Variants in PTPRN2 observed in about 807,000 individuals in gnomAD.
PTPRN2 encodes receptor-type tyrosine-protein phosphatase N2.
A neutral mutation model predicts 118.8 loss-of-function variants in PTPRN2; 74 were observed. The ratio of observed to expected loss-of-function variants is 0.62; its 90% CI spans 0.52 to 0.76. PTPRN2 has a LOEUF of 0.76. PTPRN2 is among the 30% of genes least tolerant of loss of function. PTPRN2 has a pLI of 0.00. For missense variants in PTPRN2, 1,481 were observed against 1,394.4 expected (o/e 1.06, Z -0.99); for synonymous variants, 641 against 608.0 (o/e 1.05, Z -0.80).
Position 158,244,809 on chromosome 7 carries a change from AGAGT to A in PTPRN2, c.278-39540_278-39537del, listed in dbSNP as rs961177289. ...GTTGTGTGAGTGTGAGTTGTGTGTGAGAGTGTGTATGAGTGTGAGTTGTGCACAT... is the reference window on the plus strand; with the variant it reads ...GTTGTGTGAGTGTGAGTTGTGTGTGAGTGTATGAGTGTGAGTTGTGCACAT... On this transcript the variant is annotated intron_variant, in intron 3 of 22. Transcript: ENST00000389418. 4.1e-5 allele frequency among the ~76,000 whole-genome samples: 6 copies of A among 146,224 alleles called. No homozygotes were observed. In the East Asian group the frequency reaches 1.2e-3, roughly 30 times the overall value.
chr7:157,931,225 G>A (rs9918510), intron 11 of PTPRN2, among the ~76,000 whole-genome samples: 4,290 of 152,334 alleles, frequency 0.028, 166 homozygotes, highest in African/African-American at 0.09. Context: ...GCAATTCCAC[G>A]AGTTAACTAA....
intron 12 of PTPRN2, among the ~76,000 whole-genome samples, chr7:157,769,876 T>G (rs1204000371): frequency 1.3e-5 from 2 of 152,230 alleles, no homozygotes; most frequent in Admixed American, 6.5e-5. Flanking sequence ...CCCGCCCCTT[T>G]GCACACTTTA....
intron 2 of PTPRN2, among the ~76,000 whole-genome samples, chr7:158,488,059 G>A (rs996276028): frequency 1.3e-5 from 2 of 152,102 alleles, no homozygotes; most frequent in African/African-American, 4.8e-5. Context: ...GGACACCCAG[G>A]CCGGCCTTTG....
At chr7:157,841,452 A>G (rs1808413156) in intron 12 of PTPRN2, among the ~76,000 whole-genome samples, 2 of 152,160 alleles carry the variant, frequency 1.3e-5, no homozygotes, top group South Asian at 4.1e-4. Context: ...TGAGTGAAGG[A>G]TCCTCCCCTT....
chr7:158,538,617 C>T (rs1825790187), intron 1 of PTPRN2, among the ~76,000 whole-genome samples: 1 of 152,214 alleles, frequency 6.6e-6, no homozygotes, highest in Non-Finnish European at 1.5e-5. Flanking sequence ...GCCCTAGGCA[C>T]TGAGAATAGG....
chr7:158,039,366 A>C (rs1281571558), intron 11 of PTPRN2, among the ~76,000 whole-genome samples: 1 of 152,218 alleles, frequency 6.6e-6, no homozygotes, highest in East Asian at 1.9e-4. Context: ...TTGAGGTCAC[A>C]GCCCAGGTGT....
chr7:158,071,399 C>CATG (rs1312383372), intron 11 of PTPRN2, among the ~76,000 whole-genome samples: 2 of 20,958 alleles, frequency 9.5e-5, no homozygotes, highest in African/African-American at 3.6e-4. Context: ...TGGAGGTGCT[C>CATG]GTGGTGGAGT....
In PTPRN2 at chr7:158,058,513, G is replaced by C. The variant is rs1394069954; in HGVS notation, c.1723+22785C>G. Among the ~76,000 whole-genome samples, 8 of 66,718 alleles carry C rather than the reference G, an allele frequency of 1.2e-4. 1 individual carries two copies. Among genetic ancestry groups the C allele is most frequent in the African/African-American group, 1.6e-4 (2 of 12,626 alleles). The allele number at this position is 66,718 out of a possible 152,430, so 43.8% of individuals were successfully genotyped here. A position where few individuals can be genotyped will look rare whatever the true frequency, so the allele number is the denominator to read the frequency against. Reference sequence around the variant, plus strand: ...GCCACACTCCATCTGCACACGGTGAGACATCACTGCAGCCACACTCCATCT... The same window carrying C: ...GCCACACTCCATCTGCACACGGTGACACATCACTGCAGCCACACTCCATCT... On this transcript the variant is annotated intron_variant, in intron 11 of 22. Transcript: ENST00000389418.
intron 12 of PTPRN2, among the ~76,000 whole-genome samples, chr7:157,799,126 C>T (rs1272126383): frequency 6.6e-6 from 1 of 152,124 alleles, no homozygotes; most frequent in Non-Finnish European, 1.5e-5. Flanking sequence ...TGCAGCTGGG[C>T]CTGGCCCACC....
chr7:158,420,016 T>TA (rs1459121339), intron 2 of PTPRN2, among the ~76,000 whole-genome samples: 1 of 152,162 alleles, frequency 6.6e-6, no homozygotes, highest in East Asian at 1.9e-4. Context: ...TGGCCACTGT[T>TA]ACAATCTTGT....
At chr7:158,388,764 A>G (rs1317462559) in intron 2 of PTPRN2, among the ~76,000 whole-genome samples, 1 of 152,118 alleles carries the variant, frequency 6.6e-6, no homozygotes, top group Non-Finnish European at 1.5e-5. Context: ...CCCCACCCTG[A>G]AGCCAGCCAG....
At chr7:158,322,623 G>A (rs185260183) in intron 2 of PTPRN2, among the ~76,000 whole-genome samples, 147 of 152,358 alleles carry the variant, frequency 9.6e-4, no homozygotes, top group Non-Finnish European at 1.7e-3. Flanking sequence ...GCAGCACCTG[G>A]CCCTGGTCAG....
intron 3 of PTPRN2, among the ~76,000 whole-genome samples, chr7:158,265,073 G>T (rs1287834346): frequency 6.6e-6 from 1 of 151,942 alleles, no homozygotes; most frequent in Admixed American, 6.6e-5. Flanking sequence ...CTTTCTATCT[G>T]CTCCAGGTAG....
intron 1 of PTPRN2, among the ~76,000 whole-genome samples, chr7:158,490,798 C>T (rs1474191651): frequency 6.6e-6 from 1 of 152,242 alleles, no homozygotes; most frequent in Non-Finnish European, 1.5e-5. Context: ...CCAGACTCTC[C>T]CGGGGCTGCC....
chr7:157,548,975 C>A lies in PTPRN2; in HGVS notation c.2947G>T (p.Asp983Tyr). 3.1e-6 allele frequency: 5 copies of A among 1,614,188 alleles called. No homozygotes were observed. The highest frequency in any genetic ancestry group is 4.2e-6 in the Non-Finnish European group (5 of 1,180,042). The change falls in exon 22 of 23, where the codon GAC becomes TAC. Residue 983 changes from aspartate (D) to tyrosine (Y), a missense_variant. Around this residue, in one of 3 missense-constraint regions of PTPRN2, gnomAD observed 362 missense variants for 384.1 expected, o/e 0.94. Transcript: ENST00000389418. ...GTCTGGACCATGCCGGGTCTCTGGTCCCTCAAGTGCTCCAGGGTCGCTGCG... is the reference window on the plus strand; with the variant it reads ...GTCTGGACCATGCCGGGTCTCTGGTACCTCAAGTGCTCCAGGGTCGCTGCG... ...DIAATLEHLR[D>Y]QRPGMVQTKE...
chr7:158,365,654 C>CGTGTGCAA (rs1809381568), intron 2 of PTPRN2, among the ~76,000 whole-genome samples: 1 of 143,924 alleles, frequency 6.9e-6, no homozygotes, highest in African/African-American at 2.9e-5. Flanking sequence ...GCCCAATGCA[C>CGTGTGCAA]ACGCACACAC....
chr7:158,305,215 G>T (rs1271258883), intron 3 of PTPRN2, among the ~76,000 whole-genome samples: 1 of 152,208 alleles, frequency 6.6e-6, no homozygotes, highest in Non-Finnish European at 1.5e-5. Flanking sequence ...GGTCCATTCA[G>T]CTGGCTGGGG....
At chr7:157,910,704 A>G (rs1416130723) in intron 11 of PTPRN2, among the ~76,000 whole-genome samples, 1 of 85,544 alleles carries the variant, frequency 1.2e-5, no homozygotes, top group Non-Finnish European at 2.3e-5. Context: ...GCGGCAGGGC[A>G]CGTGTGTGTG....
intron 3 of PTPRN2, among the ~76,000 whole-genome samples, chr7:158,221,648 A>G (rs1263783751): frequency 6.6e-6 from 1 of 152,172 alleles, no homozygotes; most frequent in Non-Finnish European, 1.5e-5. Context: ...CCAAGCGGAA[A>G]GGGTTTCCTT....
Sources: allele counts gnomAD v4.1 joint callset (sites outside exome capture counted in the v4.1 genomes callset), GRCh38; gene constraint gnomAD v4.1.1; regional missense constraint gnomAD v4.1.1; transcripts MANE v1.5; gene names NCBI Gene and HGNC (gene_info 2026-07-23, HGNC 2026-07-21).